NHSL1: variants seen among roughly 807,000 people sequenced by gnomAD.
NHSL1 encodes the protein NHS like 1.
In NHSL1, 48 loss-of-function variants were observed where a neutral mutation model predicts 95.0. The ratio of observed to expected loss-of-function variants is 0.51; its 90% CI spans 0.40 to 0.64. NHSL1 has a LOEUF of 0.64. Among genes scored for constraint, NHSL1 ranks in the 30% least tolerant of loss-of-function variants. The pLI is 0.00. For missense variants in NHSL1, 1,971 were observed against 2,077.7 expected, an observed-to-expected ratio of 0.95 and a Z score of 1.00; for synonymous variants, 783 against 833.9, an observed-to-expected ratio of 0.94 and a Z score of 1.05.
intron 3 of NHSL1, among the ~76,000 whole-genome samples, chr6:138,467,673 C>A (rs1323779702): frequency 1.3e-5 from 2 of 151,478 alleles, no homozygotes; most frequent in Admixed American, 6.6e-5. Context: ...CTGTGTAGGC[C>A]AAGGCTAATA....
In NHSL1 at chr6:138,432,091, T is replaced by C; in HGVS notation, c.2254A>G (p.Thr752Ala). The C allele has an allele frequency of 6.4e-7, 1 of 1,551,562 alleles. No homozygotes were observed. The highest frequency in any genetic ancestry group is 8.7e-7 in the Non-Finnish European group (1 of 1,146,954). ...VSAGSSMTSA[T>A]TPNVYSLCGA... ...CACAGGGAGTAGACATTGGGGGTGG[T>C]GGCGGAAGTCATGCTGCTGCCAGCA... Residue 752 changes from threonine (T) to alanine (A), a missense_variant, in exon 6 of 8, where the codon ACC (threonine) becomes GCC (alanine). Around this residue, in one of 3 missense-constraint regions of NHSL1, gnomAD observed 1,602 missense variants for 1,654.5 expected, o/e 0.97. Coordinates refer to ENST00000343505, the MANE Select transcript of NHSL1 (RefSeq NM_001144060.2). The surrounding 1 kb of genome is among the most constrained non-coding windows in gnomAD (Gnocchi z 4.4).
At chr6:138,615,871 C>T (rs897903967) in intron 1 of NHSL1, among the ~76,000 whole-genome samples, 4 of 152,054 alleles carry the variant, frequency 2.6e-5, no homozygotes, top group African/African-American at 9.7e-5. Context: ...TACATCAATA[C>T]CTGTGACTCC....
intron 1 of NHSL1, among the ~76,000 whole-genome samples, chr6:138,662,697 A>G (rs6933459): frequency 0.04 from 6,096 of 152,294 alleles, 316 homozygotes; most frequent in African/African-American, 0.12. Flanking sequence ...TCAAACAAGC[A>G]TGGATATATG....
chr6:138,600,215 C>T (rs1488409895), intron 1 of NHSL1, among the ~76,000 whole-genome samples: 1 of 152,100 alleles, frequency 6.6e-6, no homozygotes, highest in Non-Finnish European at 1.5e-5. Context: ...TCAGTGCTTT[C>T]TTTTCTGTTC....
chr6:138,637,411 A>T (rs1784901694), intron 1 of NHSL1, among the ~76,000 whole-genome samples: 1 of 152,210 alleles, frequency 6.6e-6, no homozygotes, highest in African/African-American at 2.4e-5. Context: ...ACATCAAGTT[A>T]AAAAGCTTCT....
At chr6:138,464,290 G>A in intron 3 of NHSL1, 2 of 744,516 alleles carry the variant, frequency 2.7e-6, no homozygotes, top group Non-Finnish European at 4.6e-6. Context: ...AGACCCTGGT[G>A]TCGTGGGCGG....
chr6:138,433,324 G>C lies in NHSL1; in HGVS notation c.1021C>G (p.Leu341Val). ...TCTCCTGCAGGGCCGAGGGCACCCA[G>C]CCTCGGCTCAAGGGACTGAATGTTT... ...RANIQSLEPR[L>V]GALGPAGDMN... Residue 341 changes from leucine (L) to valine (V), a missense_variant, in exon 6 of 8, where the codon CTG becomes GTG. Leu to Val is a conservative substitution (Grantham distance 32). Around this residue, in one of 3 missense-constraint regions of NHSL1, gnomAD observed 1,602 missense variants for 1,654.5 expected, o/e 0.97. Coordinates refer to ENST00000343505, the MANE Select transcript of NHSL1 (RefSeq NM_001144060.2). 1.9e-6 allele frequency: 3 copies of C among 1,551,642 alleles called. No individual in the cohort carries two copies. Among genetic ancestry groups the C allele is most frequent in the Non-Finnish European group, 2.6e-6 (3 of 1,146,742 alleles).
At chr6:138,481,342 A>G (rs1405936966) in intron 2 of NHSL1, among the ~76,000 whole-genome samples, 1 of 152,212 alleles carries the variant, frequency 6.6e-6, no homozygotes. Flanking sequence ...GCAATACTGG[A>G]AAAGAGAAAG....
At chr6:138,504,243 A>AAG (rs145966165), upstream of NHSL1, among the ~76,000 whole-genome samples, 5 of 151,600 alleles carry the variant, frequency 3.3e-5, no homozygotes, top group Admixed American at 3.3e-4. Context: ...TCTTAAAAGA[A>AAG]AGAGAGAGAG....
At chr6:138,591,761 C>T (rs998287319) in intron 1 of NHSL1, among the ~76,000 whole-genome samples, 3 of 152,134 alleles carry the variant, frequency 2.0e-5, no homozygotes, top group South Asian at 4.1e-4. Flanking sequence ...GAGCGCGGTT[C>T]TAAGTCGCGT....
chr6:138,448,147 T>C (rs1776983921), intron 3 of NHSL1, among the ~76,000 whole-genome samples: 1 of 152,210 alleles, frequency 6.6e-6, no homozygotes, highest in African/African-American at 2.4e-5. Context: ...CTTCAATACC[T>C]TTCTTTCCCA....
In NHSL1 at chr6:138,557,257, G is replaced by A. The variant is rs1031351778; in HGVS notation, c.202+14453C>T. 6.6e-5 allele frequency among the ~76,000 whole-genome samples: 10 copies of A among 152,194 alleles called. No individual in the cohort carries two copies. In the South Asian group the frequency reaches 1.2e-3, roughly 19 times the overall value. On this transcript the variant is annotated intron_variant, in intron 1 of 6. Coordinates refer to the NHSL1 transcript ENST00000427025. Reference sequence around the variant, plus strand: ...ATTAGAGTAACATCCACTTATCAACGGATCATTTTGCTGACAAATTCAACC... The same window carrying A: ...ATTAGAGTAACATCCACTTATCAACAGATCATTTTGCTGACAAATTCAACC...
chr6:138,546,093 C>CT (rs1427992002), upstream of NHSL1, among the ~76,000 whole-genome samples: 12 of 152,140 alleles, frequency 7.9e-5, no homozygotes, highest in African/African-American at 2.7e-4. Context: ...TTCATTATTC[C>CT]TTTTCTGTTC....
At chr6:138,526,133 T>C (rs1317838985) in intron 1 of NHSL1, among the ~76,000 whole-genome samples, 1 of 145,666 alleles carries the variant, frequency 6.9e-6, no homozygotes, top group Admixed American at 6.8e-5. Context: ...AAAAATAAAA[T>C]AGAAAGAATA....
chr6:138,522,100 C>T (rs1781708389), intron 1 of NHSL1, among the ~76,000 whole-genome samples: 1 of 152,174 alleles, frequency 6.6e-6, no homozygotes, highest in Admixed American at 6.5e-5. Context: ...CCCTGGAGAA[C>T]AATCCTGTGA....
upstream of NHSL1, among the ~76,000 whole-genome samples, chr6:138,503,499 A>G (rs1487910997): frequency 6.6e-6 from 1 of 152,168 alleles, no homozygotes; most frequent in Non-Finnish European, 1.5e-5. Context: ...TCAAATGTCA[A>G]TGTCCAATAA....
upstream of NHSL1, among the ~76,000 whole-genome samples, chr6:138,574,268 A>G (rs1317383746): frequency 6.6e-6 from 1 of 152,220 alleles, no homozygotes; most frequent in Admixed American, 6.5e-5. Context: ...ATAGTTGTGC[A>G]TAACACCAGT....
chr6:138,453,306 G>C (rs943948547), intron 3 of NHSL1, among the ~76,000 whole-genome samples: 2 of 151,730 alleles, frequency 1.3e-5, no homozygotes, highest in Non-Finnish European at 2.9e-5. Context: ...TATTATATTA[G>C]TCCCTTTACC....
intron 1 of NHSL1, among the ~76,000 whole-genome samples, chr6:138,530,470 T>G (rs951912714): frequency 3.3e-5 from 5 of 152,196 alleles, no homozygotes; most frequent in African/African-American, 1.2e-4. Flanking sequence ...AAAAGATACA[T>G]GCACATGCAT....
Sources: allele counts gnomAD v4.1 joint callset (sites outside exome capture counted in the v4.1 genomes callset), GRCh38; gene constraint gnomAD v4.1.1; regional missense constraint gnomAD v4.1.1; non-coding constraint Gnocchi (gnomAD v3.1); transcripts MANE v1.5; gene names NCBI Gene and HGNC (gene_info 2026-07-23, HGNC 2026-07-21).